NXN: variants seen among roughly 807,000 people sequenced by gnomAD.
The protein encoded by NXN is nucleoredoxin 1.
NXN carries 16 observed loss-of-function variants against 48.6 expected under a neutral mutation model. The observed-to-expected ratio is 0.33, with a 90% CI of 0.22 to 0.50. The LOEUF (loss-of-function observed/expected upper bound fraction) is 0.50. Among genes scored for constraint, NXN ranks in the 20% least tolerant of loss-of-function variants. The pLI, the probability that NXN is intolerant of heterozygous loss-of-function variation, is 0.98. For synonymous variants in NXN, 281 were observed against 269.6 expected, an observed-to-expected ratio of 1.04 and a Z score of -0.41; for missense variants, 492 against 605.5, an observed-to-expected ratio of 0.81 and a Z score of 1.97.
In NXN at chr17:965,528, G is replaced by A. The variant is rs139448770; in HGVS notation, c.360+13791C>T. Among the ~76,000 whole-genome samples the A allele has an allele frequency of 1.6e-3, 238 of 152,262 alleles. 1 individual carries two copies. The Middle Eastern group carries it at 0.024, about 15-fold the overall frequency. ...CTACAATAAACATGCTGATCACACC[G>A]AGGAGTGTGGGCTGAATCATAATCC... is the stretch of plus-strand genomic sequence containing the variant. On this transcript the variant is annotated intron_variant, in intron 1 of 7. Transcript: ENST00000336868.
chr17:866,399 A>G (rs1260400771), intron 1 of NXN, among the ~76,000 whole-genome samples: 5 of 152,198 alleles, frequency 3.3e-5, no homozygotes, highest in African/African-American at 1.2e-4. Flanking sequence ...CCTGGGCAAC[A>G]TGGTGAAACG....
intron 1 of NXN, among the ~76,000 whole-genome samples, chr17:866,710 A>G (rs1451302646): frequency 6.6e-6 from 1 of 152,224 alleles, no homozygotes; most frequent in East Asian, 1.9e-4. Context: ...GCAGCCTCTA[A>G]CGTTGTTCAA....
chr17:833,503 G>A (rs889209817), intron 1 of NXN, among the ~76,000 whole-genome samples: 4 of 152,098 alleles, frequency 2.6e-5, no homozygotes, highest in Admixed American at 2.6e-4. Context: ...AAGTGTGAGG[G>A]GCCCCTCGAG....
chr17:931,141 G>A (rs995188290), intron 1 of NXN, among the ~76,000 whole-genome samples: 8 of 152,214 alleles, frequency 5.3e-5, no homozygotes, highest in Non-Finnish European at 8.8e-5. Context: ...GTTGAAGTTC[G>A]CCGGGTGTGG....
intron 1 of NXN, among the ~76,000 whole-genome samples, chr17:962,595 T>C (rs2069250790): frequency 6.6e-6 from 1 of 152,218 alleles, no homozygotes; most frequent in African/African-American, 2.4e-5. Flanking sequence ...TCCCTGAATT[T>C]ATCTATTTCA....
chr17:886,770 T>C (rs1282646590), intron 1 of NXN, among the ~76,000 whole-genome samples: 1 of 125,542 alleles, frequency 8.0e-6, no homozygotes, highest in Non-Finnish European at 1.7e-5. Flanking sequence ...AGAGTGAGAC[T>C]CTGTCTCAAA....
At chr17:968,531 C>T (rs2069333547) in intron 1 of NXN, among the ~76,000 whole-genome samples, 2 of 152,142 alleles carry the variant, frequency 1.3e-5, no homozygotes, top group South Asian at 4.1e-4. Flanking sequence ...GACTGTGCCA[C>T]TGCACTCTAG....
chr17:901,140 C>T (rs1317635008), intron 1 of NXN, among the ~76,000 whole-genome samples: 3 of 151,956 alleles, frequency 2.0e-5, no homozygotes, highest in Admixed American at 6.6e-5. Context: ...AGGATGGTCT[C>T]GATCTCCTGA....
intron 1 of NXN, among the ~76,000 whole-genome samples, chr17:922,769 G>A (rs1386384382): frequency 1.3e-5 from 2 of 151,724 alleles, no homozygotes; most frequent in Admixed American, 6.6e-5. Context: ...CTCCTGCCTC[G>A]GCCTCCCGAG....
intron 1 of NXN, among the ~76,000 whole-genome samples, chr17:904,969 G>T (rs1213167355): frequency 2.0e-5 from 3 of 152,040 alleles, no homozygotes; most frequent in Non-Finnish European, 4.4e-5. Context: ...CCCGTCTTCT[G>T]CTCCTCTTCA....
chr17:972,986 G>A (rs373317529), intron 1 of NXN, among the ~76,000 whole-genome samples: 5 of 150,278 alleles, frequency 3.3e-5, no homozygotes, highest in Admixed American at 2.7e-4. Flanking sequence ...AGCCCAGATC[G>A]CTCCACTGCA....
At chr17:930,454 C>T (rs1240244131) in intron 1 of NXN, 1 of 151,852 alleles carries the variant, frequency 6.6e-6, no homozygotes, top group Non-Finnish European at 1.5e-5. Flanking sequence ...AAAAAAATAC[C>T]ACTTGAACTT....
intron 1 of NXN, among the ~76,000 whole-genome samples, chr17:893,084 T>C (rs978500088): frequency 2.0e-5 from 3 of 152,266 alleles, no homozygotes; most frequent in Non-Finnish European, 4.4e-5. Flanking sequence ...CTTCAGACGT[T>C]TGCCTATGTC....
Position 825,916 on chromosome 17 carries a change from A to C in NXN, c.478+45T>G. ...ATTAGCCTAAGGGCATGGAGGAGGGAGGGCTGGGTAATAAGAGGACCATAT... is the reference window on the plus strand; with the variant it reads ...ATTAGCCTAAGGGCATGGAGGAGGGCGGGCTGGGTAATAAGAGGACCATAT... On this transcript the variant is annotated intron_variant, in intron 2 of 7. Transcript: ENST00000336868. The surrounding 1 kb of genome is among the most constrained non-coding windows in gnomAD (Gnocchi z 4.1). 6.5e-6 allele frequency: 8 copies of C among 1,233,640 alleles called. 1 individual carries two copies. The South Asian group carries it at 6.6e-5, about 10-fold the overall frequency. 76.4% of individuals were successfully genotyped at this position (1,233,640 alleles called of 1,614,324 possible). A position where few individuals can be genotyped will look rare whatever the true frequency, so the allele number is the denominator to read the frequency against.
At chr17:801,677 C>T (rs1189499602) in intron 7 of NXN, among the ~76,000 whole-genome samples, 1 of 152,176 alleles carries the variant, frequency 6.6e-6, no homozygotes, top group Admixed American at 6.5e-5. Flanking sequence ...CTCCTGACCT[C>T]AGGTGATCCG....
intron 3 of NXN, 134 bp downstream of exon 3, chr17:823,498 C>CG: frequency 2.2e-6 from 2 of 919,124 alleles, no homozygotes; most frequent in Admixed American, 2.7e-5. Flanking sequence ...AACCAGGCCT[C>CG]GGGCACAGGA....
At position 979,764 on chromosome 17, in the gene NXN, C is replaced by G. The variant is rs1421820187; in HGVS notation, c.-86G>C. On this transcript the variant is annotated 5_prime_UTR_variant, in exon 1 of 8. Coordinates refer to ENST00000336868, the MANE Select transcript of NXN (RefSeq NM_022463.5). Reference sequence around the variant, plus strand: ...AGGAGGCGGCGGCGTCGGCGGCAGGCGCTGGGGAGAGCAGAGCCCGGCCCA... The same window carrying G: ...AGGAGGCGGCGGCGTCGGCGGCAGGGGCTGGGGAGAGCAGAGCCCGGCCCA... The G allele has an allele frequency of 1.2e-5, 14 of 1,146,574 alleles. No homozygotes were observed. In the East Asian group the frequency reaches 5.0e-4, roughly 41 times the overall value. 71.0% of individuals were successfully genotyped at this position (1,146,574 alleles called of 1,614,324 possible). A position where few individuals can be genotyped will look rare whatever the true frequency, so the allele number is the denominator to read the frequency against.
intron 1 of NXN, among the ~76,000 whole-genome samples, chr17:847,421 G>C (rs1026966373): frequency 1.3e-5 from 2 of 152,034 alleles, no homozygotes; most frequent in East Asian, 1.9e-4. Context: ...AGAGATCAAA[G>C]AAAAAAGTCA....
chr17:961,722 A>G (rs2069240045), intron 1 of NXN, among the ~76,000 whole-genome samples: 1 of 152,142 alleles, frequency 6.6e-6, no homozygotes, highest in African/African-American at 2.4e-5. Context: ...AATTTCTACT[A>G]TCTATTTATT....
Sources: allele counts gnomAD v4.1 joint callset (sites outside exome capture counted in the v4.1 genomes callset), GRCh38; gene constraint gnomAD v4.1.1; non-coding constraint Gnocchi (gnomAD v3.1); transcripts MANE v1.5; gene names NCBI Gene and HGNC (gene_info 2026-07-23, HGNC 2026-07-21).